Variants in PTK2 observed in about 807,000 individuals in gnomAD.
The protein encoded by PTK2 is focal adhesion kinase 1.
In PTK2, 45 loss-of-function variants were observed where a neutral mutation model predicts 150.1. The ratio of observed to expected loss-of-function variants is 0.30; its 90% CI spans 0.24 to 0.38. The LOEUF is 0.38. PTK2 is among the 10% of genes least tolerant of loss of function. PTK2 has a pLI of 1.00. For synonymous variants in PTK2, 432 were observed against 449.2 expected (o/e 0.96, Z 0.48); for missense variants, 919 against 1,307.3 (o/e 0.70, Z 4.58).
chr8:140,830,989 A>G (rs1359166149), intron 7 of PTK2, among the ~76,000 whole-genome samples: 1 of 152,200 alleles, frequency 6.6e-6, no homozygotes, highest in Non-Finnish European at 1.5e-5. Context: ...GGTTTATCCT[A>G]AAAGTTGACT....
intron 13 of PTK2, among the ~76,000 whole-genome samples, chr8:140,791,885 G>C (rs755553786): frequency 6.6e-5 from 10 of 152,174 alleles, no homozygotes; most frequent in Non-Finnish European, 1.2e-4. Context: ...AAAAACCAAG[G>C]TTAGAGAAGT....
rs116510628 is a variant in PTK2, at chr8:140,781,918, G to C, written c.1177+7556C>G. 5.8e-3 allele frequency among the ~76,000 whole-genome samples: 883 copies of C among 152,318 alleles called. 9 individuals carry two copies. Among genetic ancestry groups the C allele is most frequent in the African/African-American group, 0.021 (853 of 41,570 alleles). On this transcript the variant is annotated intron_variant, in intron 14 of 31. Transcript: ENST00000522684. ...GCAAAGGGAGTTCGAATGATGTAAT[G>C]GTGGGAGAGGGAGGGCTATCGGAAA... is the stretch of plus-strand genomic sequence containing the variant.
intron 8 of PTK2, chr8:140,822,070 A>G (rs552735659): frequency 2.6e-5 from 4 of 152,340 alleles, no homozygotes; most frequent in African/African-American, 7.2e-5. Flanking sequence ...AGCCACCTAC[A>G]TGATGTTTTT....
chr8:140,863,205 G>A (rs2100137232), intron 5 of PTK2, among the ~76,000 whole-genome samples: 1 of 151,850 alleles, frequency 6.6e-6, no homozygotes, highest in South Asian at 2.1e-4. Context: ...TTCTGTTTTA[G>A]TTCAATCTCT....
chr8:140,820,369 G>A (rs951605922), intron 8 of PTK2, among the ~76,000 whole-genome samples: 2 of 151,768 alleles, frequency 1.3e-5, no homozygotes, highest in Admixed American at 1.3e-4. Context: ...CGAAAGTGCT[G>A]GGATTATAGG....
At chr8:140,666,382 G>A (rs2091734059) in intron 30 of PTK2, among the ~76,000 whole-genome samples, 1 of 151,562 alleles carries the variant, frequency 6.6e-6, no homozygotes, top group Non-Finnish European at 1.5e-5. Flanking sequence ...AACAACAATT[G>A]TAGGATTCTA....
intron 27 of PTK2, among the ~76,000 whole-genome samples, chr8:140,678,990 G>C (rs569879893): frequency 6.4e-5 from 9 of 141,094 alleles, no homozygotes; most frequent in African/African-American, 1.1e-4. Flanking sequence ...ACGGCCAGCT[G>C]AGTGCTCCCC....
intron 2 of PTK2, among the ~76,000 whole-genome samples, chr8:140,891,750 TGA>T (rs548212084): frequency 4.3e-4 from 66 of 152,300 alleles, no homozygotes; most frequent in African/African-American, 1.6e-3. Context: ...GAACCCAAGC[TGA>T]GAAGGAGCCT....
chr8:140,784,588 CCA>C (rs987483637), intron 14 of PTK2, among the ~76,000 whole-genome samples: 12 of 152,130 alleles, frequency 7.9e-5, no homozygotes, highest in Non-Finnish European at 1.5e-4. Flanking sequence ...CACTCCCTCC[CCA>C]CAGAGGCCAC....
At chr8:140,732,975 TAATGA>T (rs960868243) in intron 22 of PTK2, among the ~76,000 whole-genome samples, 2 of 152,184 alleles carry the variant, frequency 1.3e-5, no homozygotes, top group Admixed American at 6.5e-5. Context: ...TCTCAGGCCA[TAATGA>T]AATGAGGCCT....
intron 26 of PTK2, among the ~76,000 whole-genome samples, chr8:140,694,972 G>T (rs1267579894): frequency 6.6e-6 from 1 of 151,566 alleles, no homozygotes; most frequent in African/African-American, 2.4e-5. Flanking sequence ...TATTCCCAGT[G>T]CACCAAGCTT....
chr8:140,764,787 C>T (rs966737433), intron 14 of PTK2, among the ~76,000 whole-genome samples: 4 of 152,188 alleles, frequency 2.6e-5, no homozygotes, highest in Admixed American at 2.0e-4. Flanking sequence ...ATTAACTGTG[C>T]TAATTCATTC....
At chr8:140,918,784 T>G (rs2154608204) in intron 2 of PTK2, among the ~76,000 whole-genome samples, 1 of 152,372 alleles carries the variant, frequency 6.6e-6, no homozygotes, top group South Asian at 2.1e-4. Flanking sequence ...AAATCAAATG[T>G]GTGGTTTAGA....
At chr8:140,940,255 C>G (rs954241113) in intron 1 of PTK2, among the ~76,000 whole-genome samples, 1 of 152,054 alleles carries the variant, frequency 6.6e-6, no homozygotes, top group Non-Finnish European at 1.5e-5. Flanking sequence ...TTTGGGAGGC[C>G]GAGGCGGGTG....
chr8:140,814,051 T>C (rs2100103227), intron 10 of PTK2, among the ~76,000 whole-genome samples: 1 of 152,120 alleles, frequency 6.6e-6, no homozygotes, highest in African/African-American at 2.4e-5. Context: ...CCAGAAAATC[T>C]AGAAGTTATG....
intron 1 of PTK2, among the ~76,000 whole-genome samples, chr8:140,978,145 C>A (rs573136808): frequency 2.6e-5 from 4 of 152,160 alleles, no homozygotes; most frequent in Non-Finnish European, 5.9e-5. Flanking sequence ...AGACCTAAAA[C>A]CATAAAAACC....
At chr8:140,851,774 G>A (rs187983285) in intron 5 of PTK2, among the ~76,000 whole-genome samples, 168 of 151,582 alleles carry the variant, frequency 1.1e-3, no homozygotes, top group African/African-American at 3.9e-3. Flanking sequence ...AAGGAGAATC[G>A]CTTGAACCCG....
chr8:140,792,522 G>A (rs1339518559), intron 13 of PTK2, among the ~76,000 whole-genome samples: 2 of 152,198 alleles, frequency 1.3e-5, no homozygotes, highest in East Asian at 3.8e-4. Flanking sequence ...ATACATCATA[G>A]CTGAGTCCTG....
chr8:140,709,963 T>C (rs1394741314), intron 23 of PTK2, among the ~76,000 whole-genome samples: 2 of 151,636 alleles, frequency 1.3e-5, no homozygotes, highest in African/African-American at 2.4e-5. Context: ...ATTGAAAACA[T>C]ACAGGAAAAA....
Sources: allele counts gnomAD v4.1 joint callset (sites outside exome capture counted in the v4.1 genomes callset), GRCh38; gene constraint gnomAD v4.1.1; transcripts MANE v1.5; gene names NCBI Gene and HGNC (gene_info 2026-07-23, HGNC 2026-07-21).